Variants in UNC5A observed in about 807,000 individuals in gnomAD.
The protein encoded by UNC5A is unc-5 netrin receptor A.
A neutral mutation model predicts 87.4 loss-of-function variants in UNC5A; 20 were observed. The ratio of observed to expected loss-of-function variants is 0.23; its 90% CI spans 0.16 to 0.33. The LOEUF is 0.33. Among genes scored for constraint, UNC5A ranks in the 10% least tolerant of loss-of-function variants. The pLI is 1.00. For missense variants in UNC5A, 844 were observed against 1,133.4 expected, an observed-to-expected ratio of 0.74 and a Z score of 3.67; for synonymous variants, 438 against 482.3, an observed-to-expected ratio of 0.91 and a Z score of 1.20.
At chr5:176,877,811 A>G in intron 10 of UNC5A, 83 bp from the exon 11 acceptor site, 1 of 1,510,658 alleles carries the variant, frequency 6.6e-7, no homozygotes, top group Non-Finnish European at 8.9e-7. Flanking sequence ...ACCCCTCCCC[A>G]GTCTCCGGCC....
intron 2 of UNC5A, 60 bp from the exon 3 acceptor site, chr5:176,868,070 C>A: frequency 6.4e-7 from 1 of 1,556,678 alleles, no homozygotes; most frequent in Non-Finnish European, 8.7e-7. Flanking sequence ...GCGCAGGAAC[C>A]CACACACAGA....
In UNC5A at chr5:176,878,653, G is replaced by A; in HGVS notation, c.2184+14G>A. ...AACATCACCAAGGTGGACGGGAGGG[G>A]CTGCCGCACCGCCGTGACGTGCTCC... On this transcript the variant is annotated intron_variant, in intron 13 of 14. Transcript: ENST00000329542. The A allele has an allele frequency of 2.5e-6, 4 of 1,606,102 alleles. No homozygotes were observed. The highest frequency in any genetic ancestry group is 3.4e-6 in the Non-Finnish European group (4 of 1,175,552).
At chr5:176,870,609 T>G in intron 6 of UNC5A, 75 bp downstream of exon 6, 1 of 1,467,100 alleles carries the variant, frequency 6.8e-7, no homozygotes, top group East Asian at 2.4e-5. Flanking sequence ...AGGTGGGGGC[T>G]GAGGGAGCTA....
At chr5:176,828,154 T>A (rs1756901032) in intron 1 of UNC5A, among the ~76,000 whole-genome samples, 2 of 152,172 alleles carry the variant, frequency 1.3e-5, no homozygotes, top group Non-Finnish European at 2.9e-5. Context: ...GTGTGTCTTG[T>A]CACCAGGATA....
intron 1 of UNC5A, among the ~76,000 whole-genome samples, chr5:176,822,296 C>T (rs747348945): frequency 6.6e-6 from 1 of 152,134 alleles, no homozygotes; most frequent in Non-Finnish European, 1.5e-5. Context: ...GAGGGGTGTG[C>T]GGAGCAGGAT....
chr5:176,859,134 C>T (rs56402307), intron 1 of UNC5A, among the ~76,000 whole-genome samples: 17,806 of 30,200 alleles, frequency 0.59, 5,011 homozygotes, highest in Non-Finnish European at 0.65. Flanking sequence ...TGCTAGAATG[C>T]CCTTGCTAGA....
In UNC5A at chr5:176,810,934, G is replaced by T. The variant is rs1466023791; in HGVS notation, c.70+114G>T. 1.0e-6 allele frequency: 1 copy of T among 980,056 alleles called. No homozygotes were observed. Among genetic ancestry groups the T allele is most frequent in the Admixed American group, 5.0e-5 (1 of 19,864 alleles). The allele number at this position is 980,056 out of a possible 1,614,324, so 60.7% of individuals were successfully genotyped here. A position where few individuals can be genotyped will look rare whatever the true frequency, so the allele number is the denominator to read the frequency against. The stretch of plus-strand genomic sequence containing the variant: ...CCAGACCCGGCTGGGAGCCCCCCGA[G>T]GCCAAACTTTGCGAGGCGGGACGCG... On this transcript the variant is annotated intron_variant, in intron 1 of 14. Coordinates refer to ENST00000329542, the MANE Select transcript of UNC5A (RefSeq NM_133369.3). This position sits in a 1 kb window ranked among gnomAD's most constrained non-coding sequence, Gnocchi z 7.3.
intron 1 of UNC5A, among the ~76,000 whole-genome samples, chr5:176,822,621 A>C (rs1756754434): frequency 6.6e-6 from 1 of 152,180 alleles, no homozygotes; most frequent in African/African-American, 2.4e-5. Context: ...CACATTTGAG[A>C]GCCCAGACAG....
intron 1 of UNC5A, among the ~76,000 whole-genome samples, chr5:176,821,177 A>G (rs1004471627): frequency 6.6e-6 from 1 of 152,062 alleles, no homozygotes; most frequent in Non-Finnish European, 1.5e-5. Context: ...GGCATTGCCC[A>G]CAAGCCTCAC....
intron 1 of UNC5A, among the ~76,000 whole-genome samples, chr5:176,834,619 T>G (rs2113612021): frequency 6.6e-6 from 1 of 150,496 alleles, no homozygotes; most frequent in African/African-American, 2.5e-5. Flanking sequence ...GTGGCACAAG[T>G]GCCCTCCTAC....
chr5:176,837,449 C>T (rs747002981), intron 1 of UNC5A, among the ~76,000 whole-genome samples: 4 of 152,104 alleles, frequency 2.6e-5, no homozygotes, highest in Admixed American at 6.5e-5. Flanking sequence ...TAGCAGAGGC[C>T]GGCTGAATAG....
intron 2 of UNC5A, among the ~76,000 whole-genome samples, chr5:176,864,168 C>T (rs1158243462): frequency 6.6e-6 from 1 of 152,008 alleles, no homozygotes; most frequent in Non-Finnish European, 1.5e-5. Flanking sequence ...AGGAAGGATT[C>T]CCAGCGGAGG....
intron 1 of UNC5A, among the ~76,000 whole-genome samples, chr5:176,843,139 CG>C (rs920042414): frequency 1.4e-5 from 2 of 140,950 alleles, no homozygotes; most frequent in Admixed American, 7.4e-5. Flanking sequence ...CCAGCCTGGG[CG>C]GTAAGAGTGA....
At chr5:176,856,958 C>T (rs971294055) in intron 1 of UNC5A, among the ~76,000 whole-genome samples, 22 of 152,344 alleles carry the variant, frequency 1.4e-4, no homozygotes, top group African/African-American at 5.3e-4. Context: ...GCCACACTGG[C>T]CTCCCTGCTG....
At chr5:176,847,324 T>A (rs1446066188) in intron 1 of UNC5A, among the ~76,000 whole-genome samples, 2 of 152,200 alleles carry the variant, frequency 1.3e-5, no homozygotes, top group Non-Finnish European at 2.9e-5. Flanking sequence ...GGCTTGGCGT[T>A]GTGCACACGC....
At chr5:176,832,608 A>G (rs1366075519) in intron 1 of UNC5A, among the ~76,000 whole-genome samples, 2 of 152,200 alleles carry the variant, frequency 1.3e-5, no homozygotes, top group Non-Finnish European at 2.9e-5. Flanking sequence ...TGCTATGACC[A>G]TGTAATGGTG....
intron 1 of UNC5A, among the ~76,000 whole-genome samples, chr5:176,833,451 G>A (rs1297238789): frequency 6.6e-6 from 1 of 152,234 alleles, no homozygotes; most frequent in Non-Finnish European, 1.5e-5. Context: ...CTGCATCCAT[G>A]TGGAGCAAAG....
At chr5:176,867,118 C>T (rs1757993854) in intron 2 of UNC5A, among the ~76,000 whole-genome samples, 1 of 152,220 alleles carries the variant, frequency 6.6e-6, no homozygotes, top group Non-Finnish European at 1.5e-5. Flanking sequence ...ACAATGGAAA[C>T]ACATTGGCTG....
intron 1 of UNC5A, among the ~76,000 whole-genome samples, chr5:176,819,343 A>AAG (rs1756671801): frequency 1.3e-5 from 2 of 152,226 alleles, no homozygotes; most frequent in Non-Finnish European, 2.9e-5. Flanking sequence ...TGCAAATATT[A>AAG]GAACCCAACT....
Sources: allele counts gnomAD v4.1 joint callset (sites outside exome capture counted in the v4.1 genomes callset), GRCh38; gene constraint gnomAD v4.1.1; non-coding constraint Gnocchi (gnomAD v3.1); transcripts MANE v1.5; gene names NCBI Gene and HGNC (gene_info 2026-07-23, HGNC 2026-07-21).